DMD: variants seen among roughly 807,000 people sequenced by gnomAD.
DMD encodes the protein mutant dystrophin.
In DMD, 63 loss-of-function variants were observed where a neutral mutation model predicts 330.1. That is an observed-to-expected ratio of 0.19 (90% CI 0.16 to 0.24). The LOEUF is 0.24. Ranked by LOEUF, DMD falls within the 10% of genes least tolerant of loss-of-function variation. The pLI is 1.00. For synonymous variants in DMD, 1,223 were observed against 959.8 expected (o/e 1.27, Z -5.07); for missense variants, 3,344 against 2,684.1 (o/e 1.25, Z -5.43).
chrX:32,759,943 A>C (rs1237248027), intron 7 of DMD, among the ~76,000 whole-genome samples: 2 of 111,054 alleles, frequency 1.8e-5, no homozygotes, highest in East Asian at 5.8e-4. Context: ...CCCTCAGGAA[A>C]TTATTAACTG....
At chrX:31,572,247 G>T (rs953723308) in intron 55 of DMD, among the ~76,000 whole-genome samples, 3 of 112,359 alleles carry the variant, frequency 2.7e-5, no homozygotes, top group African/African-American at 9.7e-5. Flanking sequence ...CTTAATAAAA[G>T]AAAAATTTAG....
At chrX:33,083,514 C>T (rs2094961154) in intron 1 of DMD, among the ~76,000 whole-genome samples, 2 of 111,150 alleles carry the variant, frequency 1.8e-5, no homozygotes, top group South Asian at 3.8e-4. Context: ...CCCTGAGAGA[C>T]AGGACTGTTG....
rs61693430 is a variant in DMD at position 31,284,607 on chromosome X, T to TC, written c.9225-23592_9225-23591insG. 5.0e-3 allele frequency among the ~76,000 whole-genome samples: 512 copies of TC among 101,960 alleles called. 2 individuals are homozygous for TC. Among genetic ancestry groups the TC allele is most frequent in the Admixed American group, 9.7e-3 (90 of 9,323 alleles). The allele number at this position is 101,960 out of a possible 115,157, so 88.5% of individuals were successfully genotyped here. On this transcript the variant is annotated intron_variant, in intron 62 of 78. Transcript: ENST00000357033. ...TTCTTCTTCTTCTTCTTCTTCTTCT[T>TC]TTTTTTGGCAGAGGTGGGGTGTCTC... is the stretch of plus-strand genomic sequence containing the variant.
At chrX:31,170,458 C>T (rs567643946) in intron 73 of DMD, among the ~76,000 whole-genome samples, 33 of 110,714 alleles carry the variant, frequency 3.0e-4, no homozygotes, top group South Asian at 2.7e-3. Flanking sequence ...CCGGAAAGGC[C>T]TGTTTACCTC....
chrX:32,449,993 G>T lies in DMD; in HGVS notation c.3604-1355C>A, dbSNP rs146786443. Among the ~76,000 whole-genome samples the T allele has an allele frequency of 6.4e-4, 71 of 110,887 alleles. No homozygotes were observed. The East Asian group carries it at 0.019, about 30-fold the overall frequency. On this transcript the variant is annotated intron_variant, in intron 26 of 78. Transcript: ENST00000357033. The stretch of plus-strand genomic sequence containing the variant: ...AGAAAGCCCTGAGAAATATATGCCT[G>T]CGGGTTATCCCATTCAGGGGTGAAG...
intron 16 of DMD, among the ~76,000 whole-genome samples, chrX:32,550,644 G>A (rs976809969): frequency 9.1e-6 from 1 of 110,382 alleles, no homozygotes; most frequent in African/African-American, 3.3e-5. Flanking sequence ...GAGCTGAACT[G>A]AAGGAAAATG....
At chrX:31,527,955 T>A (rs554155007) in intron 55 of DMD, among the ~76,000 whole-genome samples, 1 of 111,192 alleles carries the variant, frequency 9.0e-6, no homozygotes, top group Admixed American at 9.7e-5. Flanking sequence ...CTCCGTTATA[T>A]TGACCTTCAG....
chrX:32,987,710 C>T (rs12837240), intron 2 of DMD, among the ~76,000 whole-genome samples: 3,484 of 110,528 alleles, frequency 0.032, 93 homozygotes, highest in East Asian at 0.18. Context: ...TAGAGGCTGT[C>T]ATGTAGTCTC....
At chrX:32,302,441 AG>A (rs2097526881) in intron 42 of DMD, among the ~76,000 whole-genome samples, 1 of 111,549 alleles carries the variant, frequency 9.0e-6, no homozygotes, top group Admixed American at 9.5e-5. Context: ...TATGATCAAA[AG>A]TTTGTAAGAT....
intron 2 of DMD, among the ~76,000 whole-genome samples, chrX:32,885,178 AT>A (rs1244935830): frequency 8.9e-6 from 1 of 112,021 alleles, no homozygotes; most frequent in Admixed American, 9.5e-5. Flanking sequence ...TGCTAATCTC[AT>A]TAACTGAACA....
chrX:32,551,357 A>G (rs1220895259), intron 16 of DMD, among the ~76,000 whole-genome samples: 1 of 111,731 alleles, frequency 9.0e-6, no homozygotes, highest in Non-Finnish European at 1.9e-5. Context: ...AATGTGATTC[A>G]CCACATAAAC....
rs191016642 is a variant in DMD at position 32,277,849 on chromosome X, C to G, written c.6290+9680G>C. Among the ~76,000 whole-genome samples the G allele has an allele frequency of 2.5e-3, 281 of 110,444 alleles. 2 individuals carry two copies. Among genetic ancestry groups the G allele is most frequent in the African/African-American group, 8.8e-3 (269 of 30,418 alleles). ...GAGAAATTTACAGCTGTAGGTGCTT[C>G]TATCAAAAAAGAAAAAAACTTCAAA... On this transcript the variant is annotated intron_variant, in intron 43 of 78. Coordinates refer to ENST00000357033, the MANE Select transcript of DMD (RefSeq NM_004006.3).
chrX:32,305,472 G>A (rs1407485161), intron 42 of DMD, among the ~76,000 whole-genome samples: 1 of 111,234 alleles, frequency 9.0e-6, no homozygotes, highest in East Asian at 2.8e-4. Flanking sequence ...ATAGACACAT[G>A]CTTAAGTTTC....
rs772930660 is a variant in DMD at position 32,469,852 on chromosome X, A to G, written c.2950-1142T>C. Among the ~76,000 whole-genome samples, 10 of 111,187 alleles carry G rather than the reference A, an allele frequency of 9.0e-5. No individual in the cohort carries two copies. In the South Asian group the frequency reaches 1.5e-3, roughly 17 times the overall value. On this transcript the variant is annotated intron_variant, in intron 22 of 78. Coordinates refer to ENST00000357033, the MANE Select transcript of DMD (RefSeq NM_004006.3). ...ATCTACCTACCTATCTAATCCATCC[A>G]TCCATCCCTCAATCAATCAATATCC... is the stretch of plus-strand genomic sequence containing the variant.
chrX:32,611,240 G>A (rs1372381223), intron 12 of DMD, among the ~76,000 whole-genome samples: 2 of 109,248 alleles, frequency 1.8e-5, no homozygotes, highest in Non-Finnish European at 3.8e-5. Context: ...AAAAAATATT[G>A]TCAAATCTGT....
chrX:32,367,562 A>G (rs1015021107), intron 34 of DMD, among the ~76,000 whole-genome samples: 3 of 112,319 alleles, frequency 2.7e-5, no homozygotes, highest in African/African-American at 9.7e-5. Flanking sequence ...AAGCAATGCA[A>G]TTAAAGGCAA....
intron 44 of DMD, among the ~76,000 whole-genome samples, chrX:31,975,885 A>T (rs2095432676): frequency 8.9e-6 from 1 of 112,129 alleles, no homozygotes; most frequent in African/African-American, 3.2e-5. Context: ...GTGCAAGTCA[A>T]CTTGATTATA....
At chrX:32,586,457 T>C (rs2054300077) in intron 13 of DMD, among the ~76,000 whole-genome samples, 1 of 108,657 alleles carries the variant, frequency 9.2e-6, no homozygotes, top group African/African-American at 3.3e-5. Flanking sequence ...ATATATATGT[T>C]TATATTATAT....
At chrX:32,747,679 G>C (rs890357335) in intron 7 of DMD, among the ~76,000 whole-genome samples, 1 of 110,135 alleles carries the variant, frequency 9.1e-6, no homozygotes, top group Non-Finnish European at 1.9e-5. Context: ...ATTTTTTGCT[G>C]TGTTTCTCAG....
Sources: gnomAD v4.1 joint callset for allele counts (sites outside exome capture counted in the v4.1 genomes callset) on GRCh38, gnomAD v4.1.1 for gene constraint, MANE v1.5 for transcripts, NCBI Gene and HGNC (gene_info 2026-07-23, HGNC 2026-07-21) for gene names.